The following ZNF148 variants were observed in gnomAD, a reference collection of about 807,000 sequenced individuals.
ZNF148 encodes the protein zinc finger protein 148.
In ZNF148, 7 loss-of-function variants were observed where a neutral mutation model predicts 67.7. The observed-to-expected ratio is 0.10, with a 90% confidence interval of 0.06 to 0.19. The LOEUF (loss-of-function observed/expected upper bound fraction) is 0.19. Among genes scored for constraint, ZNF148 ranks in the 10% least tolerant of loss-of-function variants. The pLI is 1.00. For missense variants in ZNF148, 583 were observed against 947.1 expected (o/e 0.62, Z 5.05); for synonymous variants, 333 against 330.7 (o/e 1.01, Z -0.08).
At chr3:125,351,362 G>C (rs1164032212) in intron 1 of ZNF148, among the ~76,000 whole-genome samples, 1 of 126,532 alleles carries the variant, frequency 7.9e-6, no homozygotes, top group Non-Finnish European at 1.6e-5. Flanking sequence ...CTGGGCCACA[G>C]AGTGAGACCT....
intron 7 of ZNF148, among the ~76,000 whole-genome samples, chr3:125,246,780 C>A (rs1158490430): frequency 6.6e-6 from 1 of 152,090 alleles, no homozygotes; most frequent in Non-Finnish European, 1.5e-5. Context: ...TATCCTTAAG[C>A]TGAACAATAA....
rs10625384 is a variant in ZNF148 at position 125,357,316 on chromosome 3, A to ACACGCACG, written c.-234+17778_-234+17785dup. The stretch of plus-strand genomic sequence containing the variant: ...TGCAGAGGGGCGCACGCGCACAGAC[A>ACACGCACG]CACGCACGCACGCACGCACTTACAC... On this transcript the variant is annotated intron_variant, in intron 1 of 8. Transcript: ENST00000360647. 3.7e-3 allele frequency: 567 copies of ACACGCACG among 152,704 alleles called. 3 individuals are homozygous for ACACGCACG. Among genetic ancestry groups the ACACGCACG allele is most frequent in the Non-Finnish European group, 6.2e-3 (427 of 69,070 alleles). 9.5% of individuals were successfully genotyped at this position (152,704 alleles called of 1,614,324 possible). A position where few individuals can be genotyped will look rare whatever the true frequency, so the allele number is the denominator to read the frequency against.
intron 7 of ZNF148, among the ~76,000 whole-genome samples, chr3:125,256,974 T>TC: frequency 6.7e-6 from 1 of 150,302 alleles, no homozygotes; most frequent in South Asian, 2.1e-4. Flanking sequence ...CCAGTTTTTT[T>TC]TTTTTTTTTT....
At chr3:125,294,073 C>T (rs1302757634) in intron 4 of ZNF148, among the ~76,000 whole-genome samples, 1 of 152,100 alleles carries the variant, frequency 6.6e-6, no homozygotes, top group African/African-American at 2.4e-5. Flanking sequence ...CTGAGGGGGA[C>T]ACAACATCAC....
chr3:125,327,265 G>A (rs1442377636), intron 2 of ZNF148, among the ~76,000 whole-genome samples: 1 of 151,984 alleles, frequency 6.6e-6, no homozygotes, highest in African/African-American at 2.4e-5. Flanking sequence ...ATTATTGAAA[G>A]GAAAAATTAA....
intron 1 of ZNF148, among the ~76,000 whole-genome samples, chr3:125,366,355 C>CT (rs1308102554): frequency 6.6e-6 from 1 of 152,188 alleles, no homozygotes; most frequent in Non-Finnish European, 1.5e-5. Context: ...ATACAAACTA[C>CT]TTAGCTTAGC....
chr3:125,250,280 T>C (rs752528892), intron 7 of ZNF148, among the ~76,000 whole-genome samples: 2 of 152,194 alleles, frequency 1.3e-5, no homozygotes, highest in Non-Finnish European at 2.9e-5. Flanking sequence ...ACAATTTCCA[T>C]TTGTCAATTA....
chr3:125,281,920 T>C (rs1443123610), intron 5 of ZNF148, among the ~76,000 whole-genome samples: 4 of 152,164 alleles, frequency 2.6e-5, no homozygotes, highest in African/African-American at 7.2e-5. Context: ...TTGTAACCTG[T>C]TTTAAATATA....
At chr3:125,290,136 GAGTC>G (rs1348632998) in intron 4 of ZNF148, among the ~76,000 whole-genome samples, 1 of 152,122 alleles carries the variant, frequency 6.6e-6, no homozygotes, top group Non-Finnish European at 1.5e-5. Context: ...CTCATCCACT[GAGTC>G]AGTCTCCCTC....
chr3:125,249,288 C>A (rs529452952), intron 7 of ZNF148, among the ~76,000 whole-genome samples: 1 of 152,158 alleles, frequency 6.6e-6, no homozygotes, highest in Admixed American at 6.5e-5. Context: ...AGCTAATATC[C>A]AAAATGCAAA....
At chr3:125,249,185 G>A (rs948667906) in intron 7 of ZNF148, among the ~76,000 whole-genome samples, 12 of 151,994 alleles carry the variant, frequency 7.9e-5, no homozygotes, top group South Asian at 2.1e-4. Flanking sequence ...TGAGTAGGAC[G>A]TCAAACTGAA....
chr3:125,260,187 G>T (rs1158338984), intron 7 of ZNF148, among the ~76,000 whole-genome samples: 1 of 152,074 alleles, frequency 6.6e-6, no homozygotes, highest in African/African-American at 2.4e-5. Context: ...TACTGAAAAG[G>T]TCTGAAATAT....
At position 125,277,710 on chromosome 3, in the gene ZNF148, G is replaced by C; in HGVS notation, c.667+16C>G. 6.3e-7 allele frequency: 1 copy of C among 1,595,314 alleles called. No homozygotes were observed. The highest frequency in any genetic ancestry group is 8.5e-7 in the Non-Finnish European group (1 of 1,172,140). ...TAATCATTTTAATGAACCTAGTAAG[G>C]GTGGTTAACACTCACCAGTATGAAT... is the stretch of plus-strand genomic sequence containing the variant. On this transcript the variant is annotated intron_variant, in intron 7 of 8. Transcript: ENST00000360647.
At chr3:125,305,535 G>A (rs1467823953) in intron 4 of ZNF148, among the ~76,000 whole-genome samples, 1 of 152,084 alleles carries the variant, frequency 6.6e-6, no homozygotes, top group Non-Finnish European at 1.5e-5. Flanking sequence ...TTAGTGGCCG[G>A]GCGTTGTGGC....
intron 3 of ZNF148, among the ~76,000 whole-genome samples, chr3:125,317,720 T>A (rs867642718): frequency 0.058 from 8,093 of 139,434 alleles, 307 homozygotes; most frequent in Admixed American, 0.11. Flanking sequence ...TATATTTTTT[T>A]TTTTTTCTGG....
chr3:125,301,387 G>T (rs1402878420), intron 4 of ZNF148, among the ~76,000 whole-genome samples: 1 of 152,146 alleles, frequency 6.6e-6, no homozygotes, highest in Admixed American at 6.5e-5. Flanking sequence ...TGAAAACATA[G>T]TGCCATTGAG....
chr3:125,234,496 T>C (rs1278594174), intron 7 of ZNF148, among the ~76,000 whole-genome samples, 167 bp from the exon 8 acceptor site: 2 of 152,214 alleles, frequency 1.3e-5, no homozygotes, highest in African/African-American at 4.8e-5. Flanking sequence ...CATATGCTAT[T>C]GGAAAGAAAA....
At chr3:125,333,293 G>A (rs1941362154) in intron 1 of ZNF148, among the ~76,000 whole-genome samples, 1 of 152,172 alleles carries the variant, frequency 6.6e-6, no homozygotes, top group Non-Finnish European at 1.5e-5. Flanking sequence ...AGTGAAGCAA[G>A]AAGGAAAAGG....
chr3:125,360,787 T>C (rs1027480290), intron 1 of ZNF148, among the ~76,000 whole-genome samples: 3 of 150,478 alleles, frequency 2.0e-5, no homozygotes, highest in African/African-American at 4.9e-5. Context: ...AAGACCAGCC[T>C]GGGCAACATA....
Sources: allele counts gnomAD v4.1 joint callset (sites outside exome capture counted in the v4.1 genomes callset), GRCh38; gene constraint gnomAD v4.1.1; transcripts MANE v1.5; gene names NCBI Gene and HGNC (gene_info 2026-07-23, HGNC 2026-07-21).